Variants in ARHGAP10 observed in about 807,000 individuals in gnomAD.
The protein encoded by ARHGAP10 is Rho GTPase activating protein 10, also known as rho GTPase-activating protein 10.
ARHGAP10 carries 87 observed loss-of-function variants against 108.6 expected under a neutral mutation model. The ratio of observed to expected loss-of-function variants is 0.80; its 90% confidence interval spans 0.67 to 0.96. The LOEUF is 0.96. Ranked by LOEUF, ARHGAP10 falls within the 40% of genes least tolerant of loss-of-function variation. The pLI, the probability that ARHGAP10 is intolerant of heterozygous loss-of-function variation, is 0.00. For missense variants in ARHGAP10, 939 were observed against 954.5 expected (o/e 0.98, Z 0.21); for synonymous variants, 347 against 341.1 (o/e 1.02, Z -0.19).
chr4:147,829,274 G>A (rs1034352369), intron 3 of ARHGAP10, among the ~76,000 whole-genome samples: 28 of 151,854 alleles, frequency 1.8e-4, no homozygotes, highest in African/African-American at 6.0e-4. Context: ...GGTTGGTCTC[G>A]ATCTCCTGAC....
chr4:147,807,655 A>G (rs1731844985), intron 1 of ARHGAP10, among the ~76,000 whole-genome samples: 1 of 152,268 alleles, frequency 6.6e-6, no homozygotes, highest in South Asian at 2.1e-4. Flanking sequence ...AAACCAAATT[A>G]TTATATATCA....
chr4:147,762,524 A>ATT lies in ARHGAP10; in HGVS notation c.154+30071_154+30072dup, dbSNP rs1490299780. ...CTTATTTATTTATTTATTTATTTTT[A>ATT]TTTATTTATTTATTTATTTTTTTTG... On this transcript the variant is annotated intron_variant, in intron 1 of 22. Transcript: ENST00000336498. 2.2e-3 allele frequency among the ~76,000 whole-genome samples: 180 copies of ATT among 80,242 alleles called. 1 individual carries two copies. Among genetic ancestry groups the ATT allele is most frequent in the African/African-American group, 8.2e-3 (145 of 17,776 alleles). The allele number at this position is 80,242 out of a possible 152,430, so 52.6% of individuals were successfully genotyped here.
chr4:147,831,758 C>T (rs1396431084), intron 3 of ARHGAP10, among the ~76,000 whole-genome samples: 2 of 152,264 alleles, frequency 1.3e-5, no homozygotes, highest in East Asian at 1.9e-4. Flanking sequence ...AGGAATGTAC[C>T]GTTTGAGAGT....
At chr4:147,862,621 C>T (rs1734371148) in intron 5 of ARHGAP10, 1 of 152,270 alleles carries the variant, frequency 6.6e-6, no homozygotes, top group African/African-American at 2.4e-5. Flanking sequence ...GATTTAATCA[C>T]AGAGCATGTG....
intron 1 of ARHGAP10, among the ~76,000 whole-genome samples, chr4:147,765,916 C>T (rs1157162353): frequency 2.0e-5 from 3 of 152,178 alleles, no homozygotes; most frequent in African/African-American, 7.2e-5. Flanking sequence ...AGTTATCCCT[C>T]CATATCCTCG....
At chr4:148,002,635 G>C (rs1740767744) in intron 18 of ARHGAP10, among the ~76,000 whole-genome samples, 1 of 152,124 alleles carries the variant, frequency 6.6e-6, no homozygotes, top group African/African-American at 2.4e-5. Context: ...TCCTGGTTTA[G>C]TCTTGGGAGG....
chr4:147,831,191 G>T (rs1363806156), intron 3 of ARHGAP10, among the ~76,000 whole-genome samples: 1 of 152,228 alleles, frequency 6.6e-6, no homozygotes, highest in South Asian at 2.1e-4. Flanking sequence ...GGTTAGATCT[G>T]TCTGGACGTT....
intron 13 of ARHGAP10, among the ~76,000 whole-genome samples, chr4:147,932,702 G>C (rs568581258): frequency 1.3e-5 from 2 of 152,230 alleles, no homozygotes; most frequent in Non-Finnish European, 2.9e-5. Context: ...AATGGATGCT[G>C]GGCTTAATAC....
At position 148,023,286 on chromosome 4, in the gene ARHGAP10, T is replaced by C. The variant is rs1183497376; in HGVS notation, c.1740T>C (p.Thr580=). Residue 580 remains threonine, a synonymous_variant, in exon 19 of 23, where the codon ACT becomes ACC. Transcript: ENST00000336498. ...AGATTTTTCGGACGCCGCCCGATAC[T>C]ACATTCCCTGAGCCCACCTGCCTGT... The part of the protein sequence containing the change: ...HEKIFRTPPD[T]TFPEPTCLSA... 1.2e-6 allele frequency: 2 copies of C among 1,614,028 alleles called. No homozygotes were observed. Among genetic ancestry groups the C allele is most frequent in the Non-Finnish European group, 1.7e-6 (2 of 1,179,984 alleles).
intron 8 of ARHGAP10, among the ~76,000 whole-genome samples, 161 bp from the exon 9 acceptor site, chr4:147,879,071 C>T (rs1301705160): frequency 6.6e-6 from 1 of 152,134 alleles, no homozygotes; most frequent in Non-Finnish European, 1.5e-5. Flanking sequence ...TGCCCGGCCT[C>T]CCCTCTTCTT....
chr4:147,990,377 C>T (rs1355698931), intron 18 of ARHGAP10, among the ~76,000 whole-genome samples: 1 of 152,188 alleles, frequency 6.6e-6, no homozygotes, highest in Admixed American at 6.5e-5. Flanking sequence ...GGCTAACAGT[C>T]TTAGCTCAGG....
intron 12 of ARHGAP10, among the ~76,000 whole-genome samples, chr4:147,910,061 G>C (rs763454694): frequency 2.6e-5 from 4 of 152,012 alleles, no homozygotes; most frequent in Admixed American, 2.6e-4. Context: ...AGGCTGCAGT[G>C]CAGTGGCATG....
Position 147,801,713 on chromosome 4 carries a change from G to A in ARHGAP10, c.155-21014G>A, listed in dbSNP as rs373158786. On this transcript the variant is annotated intron_variant, in intron 1 of 22. Transcript: ENST00000336498. ...TGAAGGTTGGTGGCACCACCCAAGC[G>A]AATTAATCTCATAGCTTAGCATTAT... 2.4e-3 allele frequency among the ~76,000 whole-genome samples: 365 copies of A among 152,328 alleles called. 1 individual carries two copies. Among genetic ancestry groups the A allele is most frequent in the African/African-American group, 8.2e-3 (341 of 41,574 alleles).
intron 8 of ARHGAP10, among the ~76,000 whole-genome samples, chr4:147,878,756 C>T (rs1344923601): frequency 6.8e-6 from 1 of 147,810 alleles, no homozygotes; most frequent in Non-Finnish European, 1.5e-5. Flanking sequence ...CAAAGTATCT[C>T]TTATTTTCCT....
At chr4:147,811,075 C>T (rs1430419166) in intron 1 of ARHGAP10, among the ~76,000 whole-genome samples, 2 of 152,158 alleles carry the variant, frequency 1.3e-5, no homozygotes, top group African/African-American at 4.8e-5. Context: ...TCCTGTGGCC[C>T]TTAGATCAAG....
In ARHGAP10 at chr4:147,881,777, G is replaced by A. The variant is rs1428199668; in HGVS notation, c.940-61G>A. On this transcript the variant is annotated intron_variant, in intron 9 of 22. Coordinates refer to ENST00000336498, the MANE Select transcript of ARHGAP10 (RefSeq NM_024605.4). Reference sequence around the variant, plus strand: ...GCTCCCCTGCTCTCCAGTATAGAATGGCTGAGTGTGTATATACTTATCCTG... The same window carrying A: ...GCTCCCCTGCTCTCCAGTATAGAATAGCTGAGTGTGTATATACTTATCCTG... The A allele has an allele frequency of 2.0e-5, 29 of 1,485,262 alleles. No homozygotes were observed. The Admixed American group carries it at 4.8e-4, about 25-fold the overall frequency. The allele number at this position is 1,485,262 out of a possible 1,614,324, so 92.0% of individuals were successfully genotyped here. A position where few individuals can be genotyped will look rare whatever the true frequency, so the allele number is the denominator to read the frequency against.
chr4:147,961,357 C>A (rs1738987498), intron 16 of ARHGAP10, among the ~76,000 whole-genome samples: 1 of 152,078 alleles, frequency 6.6e-6, no homozygotes, highest in Non-Finnish European at 1.5e-5. Context: ...AAATTCCTGC[C>A]CCGGTCTTTT....
chr4:147,750,837 G>A (rs1729111879), intron 1 of ARHGAP10, among the ~76,000 whole-genome samples: 1 of 151,818 alleles, frequency 6.6e-6, no homozygotes, highest in East Asian at 1.9e-4. Flanking sequence ...TCCTGACCTC[G>A]TGATCCGCCT....
At chr4:148,036,361 G>A (rs1325540447) in intron 19 of ARHGAP10, among the ~76,000 whole-genome samples, 4 of 152,040 alleles carry the variant, frequency 2.6e-5, no homozygotes, top group South Asian at 2.1e-4. Flanking sequence ...GTGTGTCCCC[G>A]CCCAGATCTC....
Sources: allele counts gnomAD v4.1 joint callset (sites outside exome capture counted in the v4.1 genomes callset), GRCh38; gene constraint gnomAD v4.1.1; transcripts MANE v1.5; gene names NCBI Gene and HGNC (gene_info 2026-07-23, HGNC 2026-07-21).